Variants in DPY19L4 observed in about 807,000 individuals in gnomAD.
DPY19L4 encodes the protein probable C-mannosyltransferase DPY19L4.
DPY19L4 carries 97 observed loss-of-function variants against 102.8 expected under a neutral mutation model. The observed-to-expected ratio is 0.94, with a 90% CI of 0.80 to 1.12. DPY19L4 has a LOEUF of 1.12. Among genes scored for constraint, DPY19L4 ranks in the 50% most tolerant of loss-of-function variants. The pLI, the probability that DPY19L4 is intolerant of heterozygous loss-of-function variation, is 0.00. For synonymous variants in DPY19L4, 252 were observed against 283.1 expected, an observed-to-expected ratio of 0.89 and a Z score of 1.10; for missense variants, 815 against 850.4, an observed-to-expected ratio of 0.96 and a Z score of 0.52.
At chr8:94,751,558 C>A (rs1303210433) in intron 6 of DPY19L4, among the ~76,000 whole-genome samples, 4 of 152,082 alleles carry the variant, frequency 2.6e-5, no homozygotes, top group Non-Finnish European at 5.9e-5. Flanking sequence ...GTGGCATGAT[C>A]TCGGCTCACT....
In DPY19L4 at chr8:94,734,761, A is replaced by G. The variant is rs760806727; in HGVS notation, c.252+7A>G. 3.1e-6 allele frequency: 5 copies of G among 1,613,436 alleles called. No homozygotes were observed. The highest frequency in any genetic ancestry group is 4.2e-6 in the Non-Finnish European group (5 of 1,179,856). On this transcript the variant is annotated splice_region_variant and intron_variant, in intron 3 of 18. Transcript: ENST00000414645. ...CTGGTTTTCCAACAGGCAGGTAAGA[A>G]GAAAGAATTTTGAGCATATGAAAGT...
At chr8:94,729,896 G>C (rs1056785999) in intron 2 of DPY19L4, among the ~76,000 whole-genome samples, 21 of 151,748 alleles carry the variant, frequency 1.4e-4, no homozygotes, top group African/African-American at 4.6e-4. Flanking sequence ...AAATTAAATA[G>C]TCTAGAAATA....
At chr8:94,738,607 C>CGTA in intron 4 of DPY19L4, 148 bp downstream of exon 4, 1 of 248,206 alleles carries the variant, frequency 4.0e-6, no homozygotes, top group Non-Finnish European at 8.1e-6. Context: ...CTCTGCCTCC[C>CGTA]GGTTCAGGCA....
chr8:94,779,536 C>T (rs981937235), intron 14 of DPY19L4, among the ~76,000 whole-genome samples: 6 of 151,848 alleles, frequency 4.0e-5, no homozygotes, highest in Non-Finnish European at 8.8e-5. Context: ...ACTATGTTGC[C>T]CAGGCTGGTC....
At chr8:94,762,285 T>TTCTTGATCACA (rs79856124) in intron 8 of DPY19L4, among the ~76,000 whole-genome samples, 38,852 of 151,870 alleles carry the variant, frequency 0.26, 5,685 homozygotes, top group African/African-American at 0.41. Flanking sequence ...ATGAAGCTGG[T>TTCTTGATCACA]TCTTGAAGTG....
chr8:94,739,929 T>C lies in DPY19L4; in HGVS notation c.611+139T>C. The C allele has an allele frequency of 2.7e-6, 3 of 1,103,774 alleles. No individual in the cohort carries two copies. In the South Asian group the frequency reaches 4.5e-5, roughly 17 times the overall value. The allele number at this position is 1,103,774 out of a possible 1,614,324, so 68.4% of individuals were successfully genotyped here. ...ATATGATGAGATGCCATTCCCATGA[T>C]TATGATACTTTGTATAGCACATTAG... On this transcript the variant is annotated intron_variant, in intron 6 of 18. Transcript: ENST00000414645.
chr8:94,750,295 T>C (rs1811860394), intron 6 of DPY19L4, among the ~76,000 whole-genome samples: 1 of 145,118 alleles, frequency 6.9e-6, no homozygotes, highest in South Asian at 2.1e-4. Flanking sequence ...TGTATAACAA[T>C]AGGAAATTGG....
rs776158748 is a variant in DPY19L4, at chr8:94,734,610, C to T, written c.128-20C>T. ...AAGGGTACATATTACCTTTTCATTA[C>T]TTTTAATATACTTTTTCAGATGTAT... On this transcript the variant is annotated intron_variant, in intron 2 of 18. Transcript: ENST00000414645. 3.1e-6 allele frequency: 5 copies of T among 1,602,226 alleles called. No individual in the cohort carries two copies. Among genetic ancestry groups the T allele is most frequent in the Admixed American group, 1.7e-5 (1 of 58,910 alleles).
At chr8:94,770,767 GGT>G (rs1202856504) in intron 13 of DPY19L4, among the ~76,000 whole-genome samples, 196 bp downstream of exon 13, 2 of 152,076 alleles carry the variant, frequency 1.3e-5, no homozygotes, top group African/African-American at 4.8e-5. Context: ...AAATTAGCTG[GGT>G]GTGGTAGCTA....
At chr8:94,720,631 C>CA (rs1810416238) in intron 1 of DPY19L4, among the ~76,000 whole-genome samples, 1 of 152,078 alleles carries the variant, frequency 6.6e-6, no homozygotes, top group African/African-American at 2.4e-5. Context: ...CTTTGAGGGT[C>CA]AAAGTGGGTG....
rs538213895 is a variant in DPY19L4 at position 94,793,457 on chromosome 8, G to A, written c.*3547G>A. ...CTTTTTTGTTAAACTTATTTTAAAT[G>A]CTTTAGTATTTAAAGGGTGTATGTT... On this transcript the variant is annotated 3_prime_UTR_variant, in exon 19 of 19. Transcript: ENST00000414645. 2 of 152,188 alleles carry A rather than the reference G, an allele frequency of 1.3e-5. No homozygotes were observed. The highest frequency in any genetic ancestry group is 2.1e-4 in the South Asian group (1 of 4,828). The allele number at this position is 152,188 out of a possible 1,614,324, so 9.4% of individuals were successfully genotyped here.
chr8:94,775,588 A>T (rs929783611), intron 13 of DPY19L4, among the ~76,000 whole-genome samples: 3 of 152,138 alleles, frequency 2.0e-5, no homozygotes, highest in Admixed American at 2.0e-4. Flanking sequence ...TGGCCTCCCA[A>T]AGTGTTGGGA....
intron 8 of DPY19L4, among the ~76,000 whole-genome samples, chr8:94,763,299 A>G (rs1318342135): frequency 2.2e-5 from 2 of 89,086 alleles, no homozygotes; most frequent in African/African-American, 8.4e-5. Context: ...CTATTGACTG[A>G]TTTTTTTTCT....
chr8:94,751,375 C>T (rs1563589905), intron 6 of DPY19L4, among the ~76,000 whole-genome samples: 1 of 152,146 alleles, frequency 6.6e-6, no homozygotes, highest in Non-Finnish European at 1.5e-5. Flanking sequence ...GCCTCAGCCT[C>T]CCAAAGTGCT....
At position 94,768,433 on chromosome 8, in the gene DPY19L4, T is replaced by C. The variant is rs753938284; in HGVS notation, c.1214T>C (p.Leu405Pro). The change falls in exon 12 of 19, where the codon CTG (leucine) becomes CCG (proline). Residue 405 changes from leucine to proline, a missense_variant. Coordinates refer to ENST00000414645, the MANE Select transcript of DPY19L4 (RefSeq NM_181787.3). The part of the protein sequence containing the change: ...TMNWLLCQES[L>P]QAPSQDFFLR... ...AATTGGCTCCTCTGTCAAGAATCCC[T>C]GCAGGCACCATCTCAAGATTTTTTT... The C allele has an allele frequency of 6.2e-7, 1 of 1,609,792 alleles. No homozygotes were observed. Among genetic ancestry groups the C allele is most frequent in the Non-Finnish European group, 8.5e-7 (1 of 1,178,820 alleles).
intron 13 of DPY19L4, among the ~76,000 whole-genome samples, chr8:94,773,773 C>G (rs929927749): frequency 2.0e-5 from 3 of 150,888 alleles, no homozygotes; most frequent in Non-Finnish European, 2.9e-5. Flanking sequence ...TGGCGGCTTA[C>G]GCCTATAATC....
chr8:94,765,084 C>A, intron 8 of DPY19L4, 99 bp from the exon 9 acceptor site: 3 of 869,562 alleles, frequency 3.5e-6, no homozygotes, highest in South Asian at 2.0e-5. Flanking sequence ...TATAGTAGAG[C>A]ATTAACTGTA....
At chr8:94,722,878 T>A (rs989080322) in intron 1 of DPY19L4, among the ~76,000 whole-genome samples, 1 of 152,202 alleles carries the variant, frequency 6.6e-6, no homozygotes, top group African/African-American at 2.4e-5. Context: ...ACTCTGGGAA[T>A]CTGGTCTTTA....
At chr8:94,759,795 G>A (rs1307016790) in intron 7 of DPY19L4, among the ~76,000 whole-genome samples, 1 of 152,178 alleles carries the variant, frequency 6.6e-6, no homozygotes, top group Non-Finnish European at 1.5e-5. Context: ...GAGCCACTGT[G>A]CCCGGCCCAT....
Sources: gnomAD v4.1 joint callset for allele counts (sites outside exome capture counted in the v4.1 genomes callset) on GRCh38, gnomAD v4.1.1 for gene constraint, MANE v1.5 for transcripts, NCBI Gene and HGNC (gene_info 2026-07-23, HGNC 2026-07-21) for gene names.